CRACD: variants seen among roughly 807,000 people sequenced by gnomAD.
CRACD encodes the protein capping protein inhibiting regulator of actin dynamics.
In CRACD, 56 loss-of-function variants were observed where a neutral mutation model predicts 106.8. The observed-to-expected ratio is 0.52, with a 90% CI of 0.42 to 0.66. The LOEUF (loss-of-function observed/expected upper bound fraction) is 0.66, where lower values mean the gene tolerates loss of function less well. Among genes scored for constraint, CRACD ranks in the 30% least tolerant of loss-of-function variants. The probability of loss-of-function intolerance (pLI) is 0.00; values close to 1 mark genes in which losing one functional copy is unlikely to be tolerated. For missense variants in CRACD, 1,730 were observed against 1,623.2 expected, an observed-to-expected ratio of 1.07 and a Z score of -1.13; for synonymous variants, 754 against 670.8, an observed-to-expected ratio of 1.12 and a Z score of -1.92.
At chr4:56,321,879 A>T (rs1468461346) in intron 8 of CRACD, among the ~76,000 whole-genome samples, 1 of 152,186 alleles carries the variant, frequency 6.6e-6, no homozygotes, top group African/African-American at 2.4e-5. Context: ...TCTAAAGAAT[A>T]TAGAAAAATA....
intron 1 of CRACD, among the ~76,000 whole-genome samples, chr4:56,066,547 C>T (rs572955284): frequency 6.7e-6 from 1 of 149,996 alleles, no homozygotes; most frequent in Non-Finnish European, 1.5e-5. Context: ...TGTCTCAGAA[C>T]TAACTAAATA....
In CRACD at chr4:56,182,861, A is replaced by ATG. The variant is rs763638808; in HGVS notation, c.-189+3432_-189+3433insGT. Among the ~76,000 whole-genome samples, 483 of 101,986 alleles carry ATG rather than the reference A, an allele frequency of 4.7e-3. 4 individuals are homozygous for ATG. The highest frequency in any genetic ancestry group is 0.015 in the African/African-American group (424 of 27,572). The allele number at this position is 101,986 out of a possible 152,430, so 66.9% of individuals were successfully genotyped here. A position where few individuals can be genotyped will look rare whatever the true frequency, so the allele number is the denominator to read the frequency against. ...TTCTCATACAACGTAGAAAAAAAAG[A>ATG]TATGTGTGTGTGTGTGTGTGTGTGT... is the stretch of plus-strand genomic sequence containing the variant. On this transcript the variant is annotated intron_variant, in intron 2 of 10. Transcript: ENST00000682029.
intron 3 of CRACD, among the ~76,000 whole-genome samples, chr4:56,284,749 A>G (rs549697584): frequency 6.6e-6 from 1 of 152,216 alleles, no homozygotes; most frequent in East Asian, 1.9e-4. Context: ...AAAAAAAAGA[A>G]TCACATCTGT....
intron 8 of CRACD, among the ~76,000 whole-genome samples, chr4:56,321,870 C>G (rs1746126969): frequency 6.6e-6 from 1 of 152,160 alleles, no homozygotes; most frequent in African/African-American, 2.4e-5. Context: ...CATTGTAGAT[C>G]TAAAGAATAT....
chr4:56,154,184 G>A (rs1421575186), intron 1 of CRACD, among the ~76,000 whole-genome samples: 1 of 152,124 alleles, frequency 6.6e-6, no homozygotes, highest in East Asian at 1.9e-4. Flanking sequence ...TATGATTGTT[G>A]GCCGGGCATG....
intron 4 of CRACD, among the ~76,000 whole-genome samples, chr4:56,306,336 A>T (rs546877419): frequency 1.3e-5 from 2 of 152,224 alleles, no homozygotes; most frequent in Admixed American, 1.3e-4. Flanking sequence ...TCTACAAAAA[A>T]TACAAAAGTT....
chr4:56,137,366 T>A (rs1735037810), intron 1 of CRACD, among the ~76,000 whole-genome samples: 1 of 152,198 alleles, frequency 6.6e-6, no homozygotes, highest in Non-Finnish European at 1.5e-5. Context: ...AAAACATTGT[T>A]ATGCGGCTCA....
chr4:56,147,288 A>T (rs1262442006), intron 1 of CRACD, among the ~76,000 whole-genome samples: 1 of 152,248 alleles, frequency 6.6e-6, no homozygotes, highest in African/African-American at 2.4e-5. Context: ...GGCTGAAAGC[A>T]AGAAACGAGC....
intron 1 of CRACD, among the ~76,000 whole-genome samples, chr4:56,099,983 C>T (rs1306467159): frequency 6.6e-6 from 1 of 152,158 alleles, no homozygotes; most frequent in East Asian, 1.9e-4. Context: ...TGGCTCATGC[C>T]TGTAATCCCA....
rs1577901941 is a variant in CRACD, at chr4:56,314,514, G to GACGCCAGGCTGGAGGAGC, written c.1013_1030dup (p.Glu343_Arg344insHisAlaArgLeuGluGlu). 2.0e-6 allele frequency: 3 copies of GACGCCAGGCTGGAGGAGC among 1,514,616 alleles called. No individual in the cohort carries two copies. Among genetic ancestry groups the GACGCCAGGCTGGAGGAGC allele is most frequent in the Non-Finnish European group, 1.8e-6 (2 of 1,134,712 alleles). The allele number at this position is 1,514,616 out of a possible 1,614,324, so 93.8% of individuals were successfully genotyped here. On this transcript the variant is annotated inframe_insertion, in exon 8 of 11. Transcript: ENST00000682029. This position sits in a 1 kb window ranked among gnomAD's most constrained non-coding sequence, Gnocchi z 4.4. ...GGAGGAGAGGCGGCGGCTGGAGGAG[G>GACGCCAGGCTGGAGGAGC]ACGCCAGGCTGGAGGAGCGGAGGCG... is the stretch of plus-strand genomic sequence containing the variant.
In CRACD at chr4:56,330,063, A is replaced by G. The variant is rs1490298223; in HGVS notation, c.*2259A>G. Among the ~76,000 whole-genome samples the G allele has an allele frequency of 2.0e-5, 3 of 152,220 alleles. No individual in the cohort carries two copies. Among genetic ancestry groups the G allele is most frequent in the Admixed American group, 1.3e-4 (2 of 15,276 alleles). ...TTCAAAATCACCCCAAATTTGCACT[A>G]AATACCAATGAAGTGTTATTTTGCT... On this transcript the variant is annotated 3_prime_UTR_variant, in exon 11 of 11. Transcript: ENST00000682029.
intron 1 of CRACD, among the ~76,000 whole-genome samples, chr4:56,102,993 A>T (rs987527073): frequency 6.6e-6 from 1 of 152,152 alleles, no homozygotes; most frequent in African/African-American, 2.4e-5. Flanking sequence ...GTTGTGTACC[A>T]TTATTTATTA....
At chr4:56,309,125 G>GT in intron 5 of CRACD, 1 of 406,506 alleles carries the variant, frequency 2.5e-6, no homozygotes, top group South Asian at 1.8e-5. Flanking sequence ...TAACTTGGTG[G>GT]TGGAGAGGTC....
chr4:56,110,459 G>A (rs1475373806), intron 1 of CRACD, among the ~76,000 whole-genome samples: 2 of 152,178 alleles, frequency 1.3e-5, no homozygotes, highest in Non-Finnish European at 2.9e-5. Flanking sequence ...CAGGATGATG[G>A]TGAAGGAGAA....
intron 1 of CRACD, among the ~76,000 whole-genome samples, chr4:56,155,720 G>C (rs924455889): frequency 3.9e-5 from 6 of 152,272 alleles, no homozygotes; most frequent in African/African-American, 1.4e-4. Context: ...AAACATTTGT[G>C]TGCATGCTTT....
At chr4:56,107,497 C>A (rs1463579255) in intron 1 of CRACD, among the ~76,000 whole-genome samples, 1 of 152,066 alleles carries the variant, frequency 6.6e-6, no homozygotes, top group Non-Finnish European at 1.5e-5. Context: ...TAACCTGATA[C>A]TCTTGCTCTC....
At chr4:56,146,734 A>C (rs1283773096) in intron 1 of CRACD, among the ~76,000 whole-genome samples, 4 of 152,198 alleles carry the variant, frequency 2.6e-5, no homozygotes, top group African/African-American at 9.6e-5. Context: ...TTTATACACT[A>C]TGCATTTGCC....
intron 2 of CRACD, among the ~76,000 whole-genome samples, chr4:56,258,753 T>C (rs1261546208): frequency 2.6e-5 from 4 of 151,938 alleles, no homozygotes; most frequent in South Asian, 2.1e-4. Context: ...AGAGGTCAAG[T>C]CTATACCAAT....
intron 1 of CRACD, among the ~76,000 whole-genome samples, chr4:56,152,792 A>G (rs1230607853): frequency 6.6e-6 from 1 of 151,982 alleles, no homozygotes; most frequent in Non-Finnish European, 1.5e-5. Context: ...TTTCATGTAT[A>G]ATGTCTTTAC....
Sources: allele counts gnomAD v4.1 joint callset (sites outside exome capture counted in the v4.1 genomes callset), GRCh38; gene constraint gnomAD v4.1.1; non-coding constraint Gnocchi (gnomAD v3.1); transcripts MANE v1.5; gene names NCBI Gene and HGNC (gene_info 2026-07-23, HGNC 2026-07-21).